ELL2: variants seen among roughly 807,000 people sequenced by gnomAD.
ELL2 encodes the protein RNA polymerase II elongation factor ELL2.
A neutral mutation model predicts 72.8 loss-of-function variants in ELL2; 21 were observed. The ratio of observed to expected loss-of-function variants is 0.29; its 90% CI spans 0.20 to 0.42. The LOEUF (loss-of-function observed/expected upper bound fraction) is 0.42. ELL2 is among the 10% of genes least tolerant of loss of function. ELL2 has a pLI of 1.00. For missense variants in ELL2, 568 were observed against 772.8 expected (o/e 0.73, Z 3.14); for synonymous variants, 266 against 283.2 (o/e 0.94, Z 0.61).
In ELL2 at chr5:95,898,814, G is replaced by A. The variant is rs774098587; in HGVS notation, c.955-4C>T. The A allele has an allele frequency of 1.3e-6, 2 of 1,489,872 alleles. No individual in the cohort carries two copies. Among genetic ancestry groups the A allele is most frequent in the East Asian group, 2.3e-5 (1 of 42,922 alleles). The allele number at this position is 1,489,872 out of a possible 1,614,324, so 92.3% of individuals were successfully genotyped here. A position where few individuals can be genotyped will look rare whatever the true frequency, so the allele number is the denominator to read the frequency against. On this transcript the variant is annotated splice_polypyrimidine_tract_variant and splice_region_variant and intron_variant, in intron 7 of 11. Transcript: ENST00000237853. ...ACTCTGAATCCAAAAGCCGTTTCTA[G>A]GGGAGGGAAAAGGAGAAAAGTGAGC...
chr5:95,916,196 A>G (rs1435344575), intron 3 of ELL2, among the ~76,000 whole-genome samples: 1 of 151,976 alleles, frequency 6.6e-6, no homozygotes, highest in Admixed American at 6.6e-5. Context: ...AGGTGGGGGA[A>G]AAAAGTTAAA....
At chr5:95,898,031 A>G (rs536380882) in intron 8 of ELL2, among the ~76,000 whole-genome samples, 1 of 151,814 alleles carries the variant, frequency 6.6e-6, no homozygotes, top group South Asian at 2.1e-4. Flanking sequence ...CATTCTTATT[A>G]ATATAGAAAT....
In ELL2 at chr5:95,927,748, T is replaced by C. The variant is rs1285884335; in HGVS notation, c.196-8203A>G. On this transcript the variant is annotated intron_variant, in intron 2 of 11. Transcript: ENST00000237853. ...GTATATAGACATACACACACACATATGTGTGTATATAGACATACACACACA... is the reference window on the plus strand; with the variant it reads ...GTATATAGACATACACACACACATACGTGTGTATATAGACATACACACACA... Among the ~76,000 whole-genome samples the C allele has an allele frequency of 3.6e-5, 3 of 83,500 alleles. 1 individual carries two copies. The highest frequency in any genetic ancestry group is 2.0e-4 in the Admixed American group (2 of 9,942). 54.8% of individuals were successfully genotyped at this position (83,500 alleles called of 152,430 possible).
intron 2 of ELL2, among the ~76,000 whole-genome samples, chr5:95,928,964 A>G (rs1488417663): frequency 6.6e-6 from 1 of 152,138 alleles, no homozygotes; most frequent in Non-Finnish European, 1.5e-5. Context: ...TTTCATGTCC[A>G]GCAGCAATAC....
At chr5:95,903,869 C>T (rs114303708) in intron 5 of ELL2, among the ~76,000 whole-genome samples, 3,427 of 152,266 alleles carry the variant, frequency 0.023, 56 homozygotes, top group Middle Eastern at 0.075. Flanking sequence ...TCTTTTCCAT[C>T]CTTCCGCATC....
intron 1 of ELL2, among the ~76,000 whole-genome samples, chr5:95,953,838 G>A (rs6556894): frequency 0.33 from 50,562 of 152,052 alleles, 10,133 homozygotes; most frequent in African/African-American, 0.57. Context: ...ATCCAGGAAC[G>A]TTATATAGAG....
chr5:95,943,151 T>C, intron 1 of ELL2, 102 bp from the exon 2 acceptor site: 1 of 866,914 alleles, frequency 1.2e-6, no homozygotes, highest in Non-Finnish European at 1.7e-6. Context: ...CCAGGCACAG[T>C]GACTCATGAC....
At chr5:95,944,494 T>A (rs1402101442) in intron 1 of ELL2, among the ~76,000 whole-genome samples, 1 of 152,210 alleles carries the variant, frequency 6.6e-6, no homozygotes, top group East Asian at 1.9e-4. Context: ...AATCCAATTT[T>A]TTAGTAGATT....
chr5:95,906,831 T>C (rs1424319031), intron 4 of ELL2, 49 bp from the exon 5 acceptor site: 1 of 1,514,702 alleles, frequency 6.6e-7, no homozygotes, highest in African/African-American at 1.4e-5. Flanking sequence ...GGTTACAATA[T>C]GAGCACCTCA....
intron 1 of ELL2, among the ~76,000 whole-genome samples, chr5:95,957,561 A>T (rs1479114159): frequency 6.6e-6 from 1 of 152,242 alleles, no homozygotes; most frequent in Non-Finnish European, 1.5e-5. Context: ...ATGATACACA[A>T]TCAACTTGAA....
chr5:95,897,998 G>A (rs2112275280), intron 8 of ELL2, among the ~76,000 whole-genome samples: 1 of 149,484 alleles, frequency 6.7e-6, no homozygotes, highest in Non-Finnish European at 1.5e-5. Context: ...GGAGTCTCAA[G>A]TATGACAGTC....
rs1012804207 is a variant in ELL2 at position 95,898,634 on chromosome 5, C to T, written c.1131G>A (p.Pro377=). 9.9e-6 allele frequency: 16 copies of T among 1,611,376 alleles called. No individual in the cohort carries two copies. The highest frequency in any genetic ancestry group is 5.5e-5 in the South Asian group (5 of 90,728). ...AGATGGGCAGATAGGTTGAAGGCAG[C>T]GGTGGAGGGGTAGGGATGGCAGCAG... is the stretch of plus-strand genomic sequence containing the variant. ...PAAAAIPTPP[P]LPSTYLPISH... The change falls in exon 8 of 12, where the codon CCG becomes CCA. Residue 377 remains proline (P), a synonymous_variant. Transcript: ENST00000237853.
At position 95,913,949 on chromosome 5, in the gene ELL2, A is replaced by G. The variant is rs1486150407; in HGVS notation, c.318-15T>C. On this transcript the variant is annotated splice_polypyrimidine_tract_variant and intron_variant, in intron 3 of 11. Transcript: ENST00000237853. ...AGGCTCCAGAGCTGTCAAGTAAGTC[A>G]GTGGCTTTGTTAGACATGACCTTCA... The G allele has an allele frequency of 2.5e-6, 4 of 1,573,804 alleles. No individual in the cohort carries two copies. Among genetic ancestry groups the G allele is most frequent in the Non-Finnish European group, 3.4e-6 (4 of 1,162,610 alleles).
intron 2 of ELL2, among the ~76,000 whole-genome samples, chr5:95,930,709 A>G (rs760883695): frequency 4.6e-5 from 7 of 152,224 alleles, no homozygotes; most frequent in Admixed American, 2.0e-4. Flanking sequence ...ATGATGAGAG[A>G]CTGGAATTGC....
chr5:95,942,909 T>G, intron 2 of ELL2, 93 bp downstream of exon 2: 1 of 903,358 alleles, frequency 1.1e-6, no homozygotes, highest in Non-Finnish European at 1.5e-6. Context: ...GAGTGGCTGA[T>G]TATAATAAAA....
intron 3 of ELL2, among the ~76,000 whole-genome samples, chr5:95,914,949 G>C (rs528037177): frequency 3.6e-4 from 55 of 152,272 alleles, no homozygotes; most frequent in African/African-American, 1.3e-3. Context: ...ATATTAGGGG[G>C]ATCATGGTCA....
Position 95,951,135 on chromosome 5 carries a change from C to A in ELL2, c.148-8086G>T, listed in dbSNP as rs143643284. ...CTGTAATCCCAGCACTTTGGGAGGC[C>A]GACGTGGGTGGATCACAAGGTCAGG... On this transcript the variant is annotated intron_variant, in intron 1 of 11. Transcript: ENST00000237853. Among the ~76,000 whole-genome samples the A allele has an allele frequency of 2.0e-5, 3 of 151,158 alleles. No homozygotes were observed. In the South Asian group the frequency reaches 6.3e-4, roughly 32 times the overall value.
In ELL2 at chr5:95,885,801, A is replaced by C. The variant is rs2112257230; in HGVS notation, c.*3070T>G. 1 of 152,368 alleles carries C rather than the reference A, an allele frequency of 6.6e-6. No individual in the cohort carries two copies. Among genetic ancestry groups the C allele is most frequent in the African/African-American group, 2.4e-5 (1 of 41,592 alleles). 9.4% of individuals were successfully genotyped at this position (152,368 alleles called of 1,614,324 possible). ...ATGCATGGAGCAATGATATAAACTG[A>C]CCATAACAATTTTGTGAGAACAAGT... On this transcript the variant is annotated 3_prime_UTR_variant, in exon 12 of 12. Transcript: ENST00000237853.
intron 2 of ELL2, among the ~76,000 whole-genome samples, chr5:95,920,868 T>C (rs1236072206): frequency 6.6e-6 from 1 of 152,176 alleles, no homozygotes; most frequent in Non-Finnish European, 1.5e-5. Flanking sequence ...AAAAGTGTTT[T>C]ATAATCCTCA....
Sources: gnomAD v4.1 joint callset for allele counts (sites outside exome capture counted in the v4.1 genomes callset) on GRCh38, gnomAD v4.1.1 for gene constraint, MANE v1.5 for transcripts, NCBI Gene and HGNC (gene_info 2026-07-23, HGNC 2026-07-21) for gene names.